RAB27B: variants seen among roughly 807,000 people sequenced by gnomAD.
RAB27B encodes the protein RAB27B, member RAS oncogene family.
RAB27B carries 15 observed loss-of-function variants against 24.6 expected under a neutral mutation model. The ratio of observed to expected loss-of-function variants is 0.61; its 90% CI spans 0.41 to 0.94. The LOEUF (loss-of-function observed/expected upper bound fraction) is 0.94, where lower values mean the gene tolerates loss of function less well. Among genes scored for constraint, RAB27B ranks in the 40% least tolerant of loss-of-function variants. The pLI is 0.00. For synonymous variants in RAB27B, 105 were observed against 92.5 expected (o/e 1.14, Z -0.78); for missense variants, 261 against 266.8 (o/e 0.98, Z 0.15).
intron 1 of RAB27B, among the ~76,000 whole-genome samples, chr18:54,844,803 T>C (rs1766519938): frequency 6.6e-6 from 1 of 152,196 alleles, no homozygotes; most frequent in South Asian, 2.1e-4. Context: ...GCTTCTTTTG[T>C]CCTACAAATT....
chr18:54,830,021 A>G (rs1910614588), intron 1 of RAB27B, among the ~76,000 whole-genome samples: 1 of 152,218 alleles, frequency 6.6e-6, no homozygotes, highest in South Asian at 2.1e-4. Context: ...TTTCGAAAGG[A>G]AAACAAAACA....
intron 2 of RAB27B, among the ~76,000 whole-genome samples, chr18:54,795,203 GC>G (rs1238375080): frequency 2.0e-5 from 3 of 152,094 alleles, no homozygotes; most frequent in Non-Finnish European, 2.9e-5. Flanking sequence ...TATAGCTTGA[GC>G]CCCCCCACAC....
At chr18:54,848,391 T>C (rs1433263695) in intron 1 of RAB27B, among the ~76,000 whole-genome samples, 3 of 152,128 alleles carry the variant, frequency 2.0e-5, no homozygotes, top group Non-Finnish European at 2.9e-5. Context: ...AAATATTAAA[T>C]AGGAAAAATC....
At chr18:54,786,054 T>C (rs1909074233) in intron 2 of RAB27B, among the ~76,000 whole-genome samples, 1 of 152,196 alleles carries the variant, frequency 6.6e-6, no homozygotes, top group South Asian at 2.1e-4. Context: ...TCTTCTCCTT[T>C]TCTACTTTCT....
chr18:54,752,374 G>T (rs1484603165), intron 2 of RAB27B, among the ~76,000 whole-genome samples: 1 of 152,104 alleles, frequency 6.6e-6, no homozygotes, highest in African/African-American at 2.4e-5. Flanking sequence ...TAATTGCTCT[G>T]GGGTGGGGCC....
intron 2 of RAB27B, among the ~76,000 whole-genome samples, chr18:54,798,363 T>C (rs1909489899): frequency 6.6e-6 from 1 of 152,244 alleles, no homozygotes; most frequent in Non-Finnish European, 1.5e-5. Flanking sequence ...ACTTCAACTG[T>C]TGCACAACTC....
chr18:54,866,081 A>C (rs564248333), intron 1 of RAB27B, among the ~76,000 whole-genome samples: 9 of 150,448 alleles, frequency 6.0e-5, no homozygotes, highest in African/African-American at 2.3e-4. Flanking sequence ...TATCAGTGAG[A>C]GTTTTATCAA....
chr18:54,886,489 C>T (rs1473790503), intron 4 of RAB27B, among the ~76,000 whole-genome samples: 1 of 151,922 alleles, frequency 6.6e-6, no homozygotes, highest in African/African-American at 2.4e-5. Context: ...GAACCACTCT[C>T]GGTGTGGGTT....
At chr18:54,812,090 G>T (rs1909980343) in intron 2 of RAB27B, among the ~76,000 whole-genome samples, 1 of 152,132 alleles carries the variant, frequency 6.6e-6, no homozygotes, top group African/African-American at 2.4e-5. Context: ...CAAAATATCT[G>T]TTGTACCTTT....
At position 54,865,707 on chromosome 18, in the gene RAB27B, C is replaced by T. The variant is rs1286339238; in HGVS notation, c.-19-11860C>T. 2.6e-5 allele frequency among the ~76,000 whole-genome samples: 4 copies of T among 152,266 alleles called. No individual in the cohort carries two copies. The East Asian group carries it at 7.7e-4, about 29-fold the overall frequency. On this transcript the variant is annotated intron_variant, in intron 1 of 5. Transcript: ENST00000262094. ...CTTTTGAAGAATTTGGAGGGAAATG[C>T]CAAAACTACACCTTAGAGTTAAATA...
intron 1 of RAB27B, among the ~76,000 whole-genome samples, chr18:54,863,892 A>T (rs1912106490): frequency 6.6e-6 from 1 of 152,210 alleles, no homozygotes; most frequent in Non-Finnish European, 1.5e-5. Context: ...CATACATGCC[A>T]CATTTTGTTT....
At chr18:54,804,323 G>T (rs1184252569) in intron 2 of RAB27B, among the ~76,000 whole-genome samples, 2 of 152,160 alleles carry the variant, frequency 1.3e-5, no homozygotes, top group Non-Finnish European at 2.9e-5. Flanking sequence ...TCAGGGGCAG[G>T]TAATTGAATC....
chr18:54,816,849 T>C (rs1358116713), intron 2 of RAB27B, among the ~76,000 whole-genome samples: 1 of 152,222 alleles, frequency 6.6e-6, no homozygotes, highest in Non-Finnish European at 1.5e-5. Flanking sequence ...TATCACTAAT[T>C]GTGACATAAA....
At chr18:54,732,424 T>A (rs1446403594) in intron 2 of RAB27B, among the ~76,000 whole-genome samples, 1 of 152,198 alleles carries the variant, frequency 6.6e-6, no homozygotes, top group Non-Finnish European at 1.5e-5. Flanking sequence ...ACATCCCCAG[T>A]TTAGAAATAA....
chr18:54,800,624 T>C (rs1909571341), intron 2 of RAB27B, among the ~76,000 whole-genome samples: 2 of 152,214 alleles, frequency 1.3e-5, no homozygotes, highest in Non-Finnish European at 2.9e-5. Context: ...ACACTTTAAT[T>C]GGAGTATTCC....
Position 54,889,529 on chromosome 18 carries a change from C to A in RAB27B, c.*116C>A. 1 of 972,842 alleles carries A rather than the reference C, an allele frequency of 1.0e-6. No homozygotes were observed. The highest frequency in any genetic ancestry group is 2.7e-5 in the East Asian group (1 of 36,642). The allele number at this position is 972,842 out of a possible 1,614,324, so 60.3% of individuals were successfully genotyped here. On this transcript the variant is annotated 3_prime_UTR_variant, in exon 6 of 6. Transcript: ENST00000262094. ...CGCACAATGGCATGTCTTTCTTTTT[C>A]TGCCAGAAAATCTATTTTAAGAAAC...
chr18:54,799,014 A>G (rs1909513515), intron 2 of RAB27B, among the ~76,000 whole-genome samples: 1 of 152,156 alleles, frequency 6.6e-6, no homozygotes, highest in Non-Finnish European at 1.5e-5. Context: ...TTTTATTCAA[A>G]TTTTCTGGCA....
intron 2 of RAB27B, among the ~76,000 whole-genome samples, chr18:54,796,996 C>T (rs1218894155): frequency 1.3e-5 from 2 of 152,178 alleles, no homozygotes; most frequent in African/African-American, 2.4e-5. Context: ...GTCTTTTCTC[C>T]ATTTCAGAAA....
chr18:54,855,520 G>A (rs1438347681), intron 1 of RAB27B, among the ~76,000 whole-genome samples: 1 of 152,164 alleles, frequency 6.6e-6, no homozygotes, highest in Admixed American at 6.5e-5. Context: ...AAGCATTTGA[G>A]CCAATGATTC....
Sources: allele counts gnomAD v4.1 joint callset (sites outside exome capture counted in the v4.1 genomes callset), GRCh38; gene constraint gnomAD v4.1.1; transcripts MANE v1.5; gene names NCBI Gene and HGNC (gene_info 2026-07-23, HGNC 2026-07-21).